ASCC3: variants seen among roughly 807,000 people sequenced by gnomAD.
The protein encoded by ASCC3 is activating signal cointegrator 1 complex subunit 3, also known as ASC-1 complex subunit P200.
A neutral mutation model predicts 256.3 loss-of-function variants in ASCC3; 158 were observed. The observed-to-expected ratio is 0.62, with a 90% CI of 0.54 to 0.70. The LOEUF is 0.70. Among genes scored for constraint, ASCC3 ranks in the 30% least tolerant of loss-of-function variants. The pLI, the probability that ASCC3 is intolerant of heterozygous loss-of-function variation, is 0.00. For synonymous variants in ASCC3, 948 were observed against 883.4 expected (o/e 1.07, Z -1.30); for missense variants, 2,259 against 2,626.0 (o/e 0.86, Z 3.05).
chr6:100,638,674 G>A lies in ASCC3; in HGVS notation c.4049C>T (p.Pro1350Leu). 6.2e-7 allele frequency: 1 copy of A among 1,614,068 alleles called. No individual in the cohort carries two copies. Among genetic ancestry groups the A allele is most frequent in the Non-Finnish European group, 8.5e-7 (1 of 1,179,968 alleles). Residue 1350 changes from proline (P) to leucine (L), a missense_variant, in exon 25 of 42, where the codon CCT (proline) becomes CTT (leucine). By Grantham distance (98) the Pro-to-Leu change is moderately conservative. This residue lies in a region of ASCC3 where 1,839 missense variants were observed against 2,206.7 expected (regional missense o/e 0.83). Coordinates refer to ENST00000369162, the MANE Select transcript of ASCC3 (RefSeq NM_006828.4). ...TGCAACAGTCTTTCCCGATCCAGTAGGTGCTCCAAGTAGGACATTACAATC... is the reference window on the plus strand; with the variant it reads ...TGCAACAGTCTTTCCCGATCCAGTAAGTGCTCCAAGTAGGACATTACAATC... Reference protein sequence around the residue: ...HTDCNVLLGAPTGSGKTVAAE... With the variant: ...HTDCNVLLGALTGSGKTVAAE...
At position 100,662,325 on chromosome 6, in the gene ASCC3, C is replaced by T. The variant is rs774416153; in HGVS notation, c.2478+20G>A. 7 of 1,607,804 alleles carry T rather than the reference C, an allele frequency of 4.4e-6. No homozygotes were observed. The East Asian group carries it at 1.1e-4, about 26-fold the overall frequency. On this transcript the variant is annotated intron_variant, in intron 15 of 41. Transcript: ENST00000369162. Reference sequence around the variant, plus strand: ...TAAGACACACACAAAATCCATTTATCAAGGAAGGTAAGCTCTTACCTTAAT... The same window carrying T: ...TAAGACACACACAAAATCCATTTATTAAGGAAGGTAAGCTCTTACCTTAAT...
chr6:100,616,529 T>C (rs1046658296), intron 30 of ASCC3, among the ~76,000 whole-genome samples: 21 of 152,176 alleles, frequency 1.4e-4, no homozygotes, highest in African/African-American at 5.1e-4. Context: ...TATACTGCTG[T>C]TCCTTGTTCC....
intron 8 of ASCC3, among the ~76,000 whole-genome samples, chr6:100,784,927 AACTG>A (rs746960502): frequency 1.3e-5 from 2 of 152,114 alleles, no homozygotes; most frequent in African/African-American, 2.4e-5. Flanking sequence ...AATACAAAAT[AACTG>A]ACTAACCCTC....
intron 16 of ASCC3, among the ~76,000 whole-genome samples, chr6:100,656,513 T>C (rs1270460087): frequency 6.6e-6 from 1 of 151,664 alleles, no homozygotes; most frequent in Non-Finnish European, 1.5e-5. Context: ...ATTCATGCAT[T>C]TGAACCATAA....
chr6:100,880,905 T>A (rs1244015924), intron 1 of ASCC3, among the ~76,000 whole-genome samples, 156 bp downstream of exon 1: 3 of 152,140 alleles, frequency 2.0e-5, no homozygotes, highest in Admixed American at 2.0e-4. Context: ...CTCGACCTCA[T>A]GCCACTGAAA....
intron 30 of ASCC3, among the ~76,000 whole-genome samples, chr6:100,607,725 C>A (rs142082288): frequency 1.8e-3 from 266 of 151,654 alleles, no homozygotes; most frequent in Middle Eastern, 6.8e-3. Flanking sequence ...GATACATATA[C>A]CTATTCAAAA....
intron 10 of ASCC3, among the ~76,000 whole-genome samples, chr6:100,740,186 T>A (rs1780362070): frequency 6.6e-6 from 1 of 152,250 alleles, no homozygotes; most frequent in East Asian, 1.9e-4. Context: ...AATTTCATTA[T>A]TTAACTAAGT....
At chr6:100,567,099 A>G (rs745998997) in intron 36 of ASCC3, among the ~76,000 whole-genome samples, 3 of 151,068 alleles carry the variant, frequency 2.0e-5, no homozygotes, top group Non-Finnish European at 2.9e-5. Context: ...AATAGCTTTT[A>G]AATTATTTTA....
intron 4 of ASCC3, among the ~76,000 whole-genome samples, chr6:100,822,718 C>T (rs1771113499): frequency 6.6e-6 from 1 of 152,062 alleles, no homozygotes; most frequent in South Asian, 2.1e-4. Context: ...TCCCACCTGA[C>T]TTGAAACAAA....
At chr6:100,845,908 T>C (rs892451015) in intron 4 of ASCC3, among the ~76,000 whole-genome samples, 2 of 152,182 alleles carry the variant, frequency 1.3e-5, no homozygotes, top group Admixed American at 6.6e-5. Flanking sequence ...GCCATCAGCA[T>C]AGAAGTAGCT....
At chr6:100,584,416 C>CT (rs967041170) in intron 36 of ASCC3, among the ~76,000 whole-genome samples, 1 of 151,674 alleles carries the variant, frequency 6.6e-6, no homozygotes, top group Non-Finnish European at 1.5e-5. Context: ...CAACCTCTCC[C>CT]TTTTTTTGTT....
intron 8 of ASCC3, among the ~76,000 whole-genome samples, chr6:100,776,356 T>C (rs1782187796): frequency 6.6e-6 from 1 of 152,140 alleles, no homozygotes; most frequent in African/African-American, 2.4e-5. Flanking sequence ...CCCTTTTAAC[T>C]GGTTCTAACT....
At chr6:100,828,573 A>G (rs1398215344) in intron 4 of ASCC3, among the ~76,000 whole-genome samples, 1 of 151,852 alleles carries the variant, frequency 6.6e-6, no homozygotes, top group Non-Finnish European at 1.5e-5. Flanking sequence ...ATGTGTTCGG[A>G]GTTTCTTCCT....
intron 10 of ASCC3, among the ~76,000 whole-genome samples, chr6:100,730,251 CA>C (rs1779838995): frequency 6.6e-6 from 1 of 152,080 alleles, no homozygotes; most frequent in South Asian, 2.1e-4. Context: ...GAGCTGTGAT[CA>C]TGCCACTGCA....
chr6:100,589,724 G>T lies in ASCC3; in HGVS notation c.5460C>A (p.Ser1820=). 1.2e-6 allele frequency: 2 copies of T among 1,613,742 alleles called. No homozygotes were observed. Among genetic ancestry groups the T allele is most frequent in the East Asian group, 4.5e-5 (2 of 44,838 alleles). The change falls in exon 36 of 42, where the codon TCC becomes TCA. Residue 1820 remains serine, a synonymous_variant. Transcript: ENST00000369162. ...IEPLTYGRIA[S]YYYLKHQTVK... is the part of the protein sequence containing the mutation. ...CTGTTTGATGCTTCAAATAGTAATA[G>T]GAGGCAATTCGGCCATAAGTTAGAG...
At chr6:100,846,206 T>C (rs1772375066) in intron 4 of ASCC3, among the ~76,000 whole-genome samples, 1 of 152,064 alleles carries the variant, frequency 6.6e-6, no homozygotes, top group African/African-American at 2.4e-5. Context: ...GAAACAACTG[T>C]AGGGAAACAA....
At chr6:100,682,780 TG>T (rs1777373292) in intron 13 of ASCC3, among the ~76,000 whole-genome samples, 1 of 152,220 alleles carries the variant, frequency 6.6e-6, no homozygotes, top group South Asian at 2.1e-4. Context: ...CAGTTGTATT[TG>T]GAATATTTAA....
chr6:100,842,528 GTCT>G, intron 4 of ASCC3, among the ~76,000 whole-genome samples: 1 of 152,108 alleles, frequency 6.6e-6, no homozygotes, highest in South Asian at 2.1e-4. Context: ...GAATCTAGCT[GTCT>G]TCTATTAAGC....
At chr6:100,773,124 T>C (rs1782020929) in intron 8 of ASCC3, among the ~76,000 whole-genome samples, 2 of 152,188 alleles carry the variant, frequency 1.3e-5, no homozygotes, top group African/African-American at 4.8e-5. Context: ...ATGGTAGAGC[T>C]AGTATTTGAA....
Sources: gnomAD v4.1 joint callset for allele counts (sites outside exome capture counted in the v4.1 genomes callset) on GRCh38, gnomAD v4.1.1 for gene constraint, gnomAD v4.1.1 regional missense constraint, MANE v1.5 for transcripts, NCBI Gene and HGNC (gene_info 2026-07-23, HGNC 2026-07-21) for gene names.